Variants in RGS7 observed in about 807,000 individuals in gnomAD.
RGS7 encodes regulator of G protein signaling 7.
Under a neutral mutation model 81.1 loss-of-function variants are expected in RGS7, and 27 were observed. The ratio of observed to expected loss-of-function variants is 0.33; its 90% CI spans 0.25 to 0.46. The LOEUF (loss-of-function observed/expected upper bound fraction) is 0.46, where lower values mean the gene tolerates loss of function less well. Among genes scored for constraint, RGS7 ranks in the 20% least tolerant of loss-of-function variants. The pLI is 1.00. For missense variants in RGS7, 396 were observed against 607.4 expected (o/e 0.65, Z 3.66); for synonymous variants, 208 against 207.7 (o/e 1.00, Z -0.01).
At chr1:241,328,804 T>A (rs936370970) in intron 2 of RGS7, among the ~76,000 whole-genome samples, 6 of 152,162 alleles carry the variant, frequency 3.9e-5, no homozygotes, top group African/African-American at 1.4e-4. Flanking sequence ...TATCTTATTA[T>A]CCCTACCCCC....
At chr1:240,837,677 C>T (rs146789043) in intron 9 of RGS7, among the ~76,000 whole-genome samples, 12 of 152,212 alleles carry the variant, frequency 7.9e-5, no homozygotes, top group East Asian at 1.9e-4. Context: ...CTGGTGACAA[C>T]ATAAATTTCC....
chr1:240,930,487 T>C (rs1410753776), intron 6 of RGS7, among the ~76,000 whole-genome samples: 1 of 152,090 alleles, frequency 6.6e-6, no homozygotes, highest in Non-Finnish European at 1.5e-5. Context: ...TTTAACCTAA[T>C]CAGAAGGCTT....
At chr1:240,854,591 C>A (rs1261004112) in intron 9 of RGS7, among the ~76,000 whole-genome samples, 2 of 152,132 alleles carry the variant, frequency 1.3e-5, no homozygotes, top group Non-Finnish European at 2.9e-5. Flanking sequence ...GATCTCCCTG[C>A]CATGTGATGC....
chr1:241,016,415 G>A (rs2059233656), intron 3 of RGS7, among the ~76,000 whole-genome samples: 1 of 152,090 alleles, frequency 6.6e-6, no homozygotes. Flanking sequence ...CTATTTGGGA[G>A]GCTGAGGCAG....
chr1:241,339,033 T>C (rs1403615892), intron 2 of RGS7, among the ~76,000 whole-genome samples: 2 of 152,166 alleles, frequency 1.3e-5, no homozygotes, highest in Non-Finnish European at 2.9e-5. Context: ...TTTATCCTGA[T>C]GCTCTCTGCC....
chr1:240,889,401 T>A (rs969485365), intron 6 of RGS7, among the ~76,000 whole-genome samples: 1 of 151,836 alleles, frequency 6.6e-6, no homozygotes, highest in Non-Finnish European at 1.5e-5. Flanking sequence ...AGTCCAGGAA[T>A]GGGACACCAG....
chr1:241,275,437 C>T (rs994181485), intron 2 of RGS7, among the ~76,000 whole-genome samples: 8 of 152,160 alleles, frequency 5.3e-5, no homozygotes, highest in Admixed American at 1.3e-4. Flanking sequence ...CTTGTTTAGA[C>T]GTTCTTAGAC....
At chr1:240,933,657 A>AT (rs748268768) in intron 5 of RGS7, among the ~76,000 whole-genome samples, 12 of 151,902 alleles carry the variant, frequency 7.9e-5, no homozygotes, top group Non-Finnish European at 1.8e-4. Context: ...GAGTTTCTTG[A>AT]TTTTTCAATA....
chr1:240,787,838 G>C (rs1017352477), intron 18 of RGS7, among the ~76,000 whole-genome samples: 1 of 152,054 alleles, frequency 6.6e-6, no homozygotes, highest in Admixed American at 6.5e-5. Flanking sequence ...CTCAGCACAT[G>C]AGAAAAAAAA....
intron 2 of RGS7, among the ~76,000 whole-genome samples, chr1:241,326,907 C>CA (rs2081529859): frequency 1.5e-5 from 2 of 129,928 alleles, no homozygotes; most frequent in Non-Finnish European, 3.2e-5. Flanking sequence ...GAGACACTGT[C>CA]AAAAAAAGAG....
chr1:241,078,670 G>A (rs2062964797), intron 3 of RGS7, among the ~76,000 whole-genome samples: 1 of 151,902 alleles, frequency 6.6e-6, no homozygotes, highest in Admixed American at 6.6e-5. Context: ...GTAACACCTG[G>A]ACCAAGTTAT....
intron 2 of RGS7, among the ~76,000 whole-genome samples, chr1:241,174,502 C>A (rs147849933): frequency 1.9e-3 from 295 of 152,350 alleles, no homozygotes; most frequent in African/African-American, 6.8e-3. Context: ...CATGTCACAC[C>A]TAAAGCACAC....
chr1:241,140,770 C>T (rs2067868795), intron 2 of RGS7, among the ~76,000 whole-genome samples: 1 of 152,196 alleles, frequency 6.6e-6, no homozygotes, highest in Admixed American at 6.5e-5. Flanking sequence ...TGCTGGGACT[C>T]TGATACAGGA....
At chr1:240,909,509 T>C (rs1221526669) in intron 6 of RGS7, among the ~76,000 whole-genome samples, 1 of 152,140 alleles carries the variant, frequency 6.6e-6, no homozygotes, top group Non-Finnish European at 1.5e-5. Flanking sequence ...CCATGGAATC[T>C]TTTACCCTAC....
chr1:240,914,250 G>A (rs543541179), intron 6 of RGS7, among the ~76,000 whole-genome samples: 166 of 152,126 alleles, frequency 1.1e-3, no homozygotes, highest in African/African-American at 3.5e-3. Context: ...ACAGGTTGAT[G>A]GTAGAAAATG....
rs1307472528 is a variant in RGS7 at position 241,163,105 on chromosome 1, C to T, written c.79-64343G>A. 6.6e-6 allele frequency among the ~76,000 whole-genome samples: 1 copy of T among 152,140 alleles called. No individual in the cohort carries two copies. ...ATTAAGCAGAGACAGGCTCCGTGGC[C>T]AGGAAGGCATAACCATTTGCGGCTT... On this transcript the variant is annotated intron_variant, in intron 2 of 18. Coordinates refer to ENST00000440928, the MANE Select transcript of RGS7 (RefSeq NM_001364886.1). This position sits in a 1 kb window ranked among gnomAD's most constrained non-coding sequence, Gnocchi z 4.6.
intron 2 of RGS7, among the ~76,000 whole-genome samples, chr1:241,285,517 C>T (rs182951736): frequency 6.6e-6 from 1 of 152,306 alleles, no homozygotes; most frequent in Non-Finnish European, 1.5e-5. Flanking sequence ...ATATTTTACA[C>T]TTACTCATTT....
chr1:241,186,426 TA>T, intron 2 of RGS7: 1 of 880,662 alleles, frequency 1.1e-6, no homozygotes, highest in Non-Finnish European at 1.4e-6. Context: ...AAACAACATC[TA>T]AGATTGTTTT....
intron 2 of RGS7, among the ~76,000 whole-genome samples, chr1:241,320,474 T>G (rs2081144048): frequency 6.6e-6 from 1 of 152,220 alleles, no homozygotes; most frequent in Admixed American, 6.5e-5. Context: ...GACACTCCCA[T>G]AACTTAAACA....
Sources: gnomAD v4.1 joint callset for allele counts (sites outside exome capture counted in the v4.1 genomes callset) on GRCh38, gnomAD v4.1.1 for gene constraint, Gnocchi (gnomAD v3.1) non-coding constraint, MANE v1.5 for transcripts, NCBI Gene and HGNC (gene_info 2026-07-23, HGNC 2026-07-21) for gene names.